SNTG1: variants seen among roughly 807,000 people sequenced by gnomAD.
SNTG1 encodes gamma-1-syntrophin.
SNTG1 carries 39 observed loss-of-function variants against 74.7 expected under a neutral mutation model. The observed-to-expected ratio is 0.52, with a 90% CI of 0.40 to 0.68. The LOEUF is 0.68. Ranked by LOEUF, SNTG1 falls within the 30% of genes least tolerant of loss-of-function variation. The probability of loss-of-function intolerance (pLI) is 0.00; values close to 1 mark genes in which losing one functional copy is unlikely to be tolerated. For synonymous variants in SNTG1, 254 were observed against 217.1 expected (o/e 1.17, Z -1.49); for missense variants, 685 against 609.5 (o/e 1.12, Z -1.30).
intron 2 of SNTG1, among the ~76,000 whole-genome samples, chr8:50,267,422 G>A (rs894200216): frequency 2.0e-5 from 3 of 152,132 alleles, no homozygotes; most frequent in Non-Finnish European, 4.4e-5. Context: ...ATTCAACATC[G>A]CCAGTAATCA....
chr8:50,075,886 G>A (rs935707897), intron 1 of SNTG1, among the ~76,000 whole-genome samples: 2 of 152,090 alleles, frequency 1.3e-5, no homozygotes, highest in East Asian at 1.9e-4. Context: ...AAGAAACTCC[G>A]AACACGTCAG....
chr8:50,278,386 T>A (rs1021278009), intron 2 of SNTG1, among the ~76,000 whole-genome samples: 1 of 152,214 alleles, frequency 6.6e-6, no homozygotes, highest in Admixed American at 6.5e-5. Flanking sequence ...TGTCTGTCTG[T>A]TGGCTTTGGC....
At position 50,794,134 on chromosome 8, in the gene SNTG1, A is replaced by AT. The variant is rs1003886805; in HGVS notation, c.*1310dup. 6.6e-6 allele frequency: 1 copy of AT among 150,962 alleles called. No homozygotes were observed. The highest frequency in any genetic ancestry group is 6.6e-5 in the Admixed American group (1 of 15,108). 9.4% of individuals were successfully genotyped at this position (150,962 alleles called of 1,614,324 possible). ...GCTGTGTATGTAAAAAAAAAAAAAAATTTTTATTGATACACATGCTCCCAG... is the reference window on the plus strand; with the variant it reads ...GCTGTGTATGTAAAAAAAAAAAAAAATTTTTTATTGATACACATGCTCCCAG... On this transcript the variant is annotated 3_prime_UTR_variant, in exon 19 of 19. Coordinates refer to ENST00000642720, the MANE Select transcript of SNTG1 (RefSeq NM_018967.5).
chr8:50,421,478 T>G (rs1406571268), intron 4 of SNTG1, among the ~76,000 whole-genome samples: 1 of 152,148 alleles, frequency 6.6e-6, no homozygotes, highest in East Asian at 1.9e-4. Flanking sequence ...CACCATTTTG[T>G]TTTTGGTGAG....
chr8:50,371,463 G>A (rs1201453593), intron 2 of SNTG1, among the ~76,000 whole-genome samples: 1 of 152,162 alleles, frequency 6.6e-6, no homozygotes, highest in Non-Finnish European at 1.5e-5. Flanking sequence ...TGATCAGTTG[G>A]CAGGGAAAGA....
At chr8:50,515,809 G>T (rs918784110) in intron 9 of SNTG1, among the ~76,000 whole-genome samples, 4 of 152,106 alleles carry the variant, frequency 2.6e-5, no homozygotes, top group African/African-American at 7.2e-5. Flanking sequence ...CCAGTCAGGG[G>T]CTTATAGATA....
chr8:50,733,238 C>T (rs1585663584), intron 17 of SNTG1, among the ~76,000 whole-genome samples: 1 of 152,108 alleles, frequency 6.6e-6, no homozygotes, highest in South Asian at 2.1e-4. Flanking sequence ...CATCTCTATC[C>T]ATGCTGTTGC....
At chr8:50,371,056 GC>G (rs2092256782) in intron 2 of SNTG1, among the ~76,000 whole-genome samples, 1 of 152,106 alleles carries the variant, frequency 6.6e-6, no homozygotes. Flanking sequence ...TGCTAGACTG[GC>G]CTTTGGAGGC....
At chr8:50,167,828 A>T (rs997333316) in intron 1 of SNTG1, among the ~76,000 whole-genome samples, 2 of 150,184 alleles carry the variant, frequency 1.3e-5, no homozygotes, top group African/African-American at 4.9e-5. Flanking sequence ...AAAAAAAAAA[A>T]GGTAAAGAAA....
rs150956589 is a variant in SNTG1 at position 50,438,989 on chromosome 8, A to G, written c.219+390A>G. ...AGCCCAATAGTAAGTGAGATATTGT[A>G]TTCTGTTCATCTTGTTTATTTTTCA... On this transcript the variant is annotated intron_variant, in intron 5 of 18. Transcript: ENST00000642720. 2.1e-3 allele frequency among the ~76,000 whole-genome samples: 322 copies of G among 152,286 alleles called. 5 individuals are homozygous for G. The highest frequency in any genetic ancestry group is 7.2e-3 in the African/African-American group (301 of 41,580).
At chr8:50,036,635 G>C (rs1227184465) in intron 1 of SNTG1, among the ~76,000 whole-genome samples, 2 of 152,180 alleles carry the variant, frequency 1.3e-5, no homozygotes, top group African/African-American at 4.8e-5. Context: ...ACGGTGTCTA[G>C]TCCATGTAAA....
intron 11 of SNTG1, among the ~76,000 whole-genome samples, chr8:50,543,066 G>A (rs2094359925): frequency 6.6e-6 from 1 of 152,014 alleles, no homozygotes; most frequent in African/African-American, 2.4e-5. Context: ...CTCTTGTGGT[G>A]CAGAAGCTTT....
At chr8:50,110,974 T>A (rs565494543) in intron 1 of SNTG1, among the ~76,000 whole-genome samples, 3 of 152,330 alleles carry the variant, frequency 2.0e-5, no homozygotes, top group Non-Finnish European at 4.4e-5. Flanking sequence ...TCTATGAAAT[T>A]CAAACTTAAC....
At chr8:50,461,518 C>T (rs2093562347) in intron 8 of SNTG1, among the ~76,000 whole-genome samples, 1 of 152,034 alleles carries the variant, frequency 6.6e-6, no homozygotes, top group African/African-American at 2.4e-5. Flanking sequence ...TCTATTTTCT[C>T]AATTTATTAT....
At chr8:50,315,530 T>C (rs2090283536) in intron 2 of SNTG1, among the ~76,000 whole-genome samples, 1 of 149,990 alleles carries the variant, frequency 6.7e-6, no homozygotes, top group Non-Finnish European at 1.5e-5. Context: ...AATGAACTAA[T>C]ACTATAGGTA....
chr8:50,150,797 G>T (rs1236804664), intron 1 of SNTG1, among the ~76,000 whole-genome samples: 1 of 152,180 alleles, frequency 6.6e-6, no homozygotes, highest in Non-Finnish European at 1.5e-5. Flanking sequence ...TTGATGTGCT[G>T]CTGGATTCGG....
At chr8:50,426,063 C>T (rs901328014) in intron 4 of SNTG1, among the ~76,000 whole-genome samples, 6 of 152,036 alleles carry the variant, frequency 3.9e-5, no homozygotes, top group East Asian at 1.9e-4. Flanking sequence ...TACCACACAC[C>T]GAGGCTCCCC....
rs549336412 is a variant in SNTG1 at position 50,503,579 on chromosome 8, A to G, written c.466+699A>G. Among the ~76,000 whole-genome samples, 169 of 152,258 alleles carry G rather than the reference A, an allele frequency of 1.1e-3. No individual in the cohort carries two copies. In the Middle Eastern group the frequency reaches 0.014, roughly 12 times the overall value. On this transcript the variant is annotated intron_variant, in intron 9 of 18. Transcript: ENST00000642720. ...CTCACTTACACTCTCTTCTTCATACATTATTTTGCCTCTTCTAGAACTTTA... is the reference window on the plus strand; with the variant it reads ...CTCACTTACACTCTCTTCTTCATACGTTATTTTGCCTCTTCTAGAACTTTA...
chr8:50,743,724 G>T (rs2095548935), intron 17 of SNTG1, among the ~76,000 whole-genome samples: 1 of 151,578 alleles, frequency 6.6e-6, no homozygotes, highest in Non-Finnish European at 1.5e-5. Flanking sequence ...CTTGTATGTA[G>T]ACAACTACAC....
Sources: gnomAD v4.1 joint callset for allele counts (sites outside exome capture counted in the v4.1 genomes callset) on GRCh38, gnomAD v4.1.1 for gene constraint, MANE v1.5 for transcripts, NCBI Gene and HGNC (gene_info 2026-07-23, HGNC 2026-07-21) for gene names.